Variants in ZNF595 observed in about 807,000 individuals in gnomAD.
ZNF595 encodes zinc finger protein 595.
A neutral mutation model predicts 19.4 loss-of-function variants in ZNF595; 9 were observed. That is an observed-to-expected ratio of 0.46 (90% confidence interval 0.28 to 0.81). The LOEUF (loss-of-function observed/expected upper bound fraction) is 0.81, where lower values mean the gene tolerates loss of function less well. Among genes scored for constraint, ZNF595 ranks in the 30% least tolerant of loss-of-function variants. The pLI, the probability that ZNF595 is intolerant of heterozygous loss-of-function variation, is 0.11. For synonymous variants in ZNF595, 255 were observed against 255.9 expected (o/e 1.00, Z 0.03); for missense variants, 729 against 736.0 (o/e 0.99, Z 0.11).
At chr4:77,535 G>C (rs1553798953) in intron 3 of ZNF595, among the ~76,000 whole-genome samples, 1 of 152,124 alleles carries the variant, frequency 6.6e-6, no homozygotes, top group African/African-American at 2.4e-5. Flanking sequence ...ACCTCTTTCA[G>C]TCATTACAGA....
intron 3 of ZNF595, 66 bp from the exon 4 acceptor site, chr4:85,665 A>C: frequency 6.8e-7 from 1 of 1,472,616 alleles, no homozygotes; most frequent in Non-Finnish European, 9.1e-7. Flanking sequence ...TTTCGATATT[A>C]CATTCGTAAA....
intron 3 of ZNF595, among the ~76,000 whole-genome samples, chr4:77,424 T>C (rs535755513): frequency 6.6e-6 from 1 of 152,330 alleles, no homozygotes; most frequent in South Asian, 2.1e-4. Context: ...TGTAAGTGGT[T>C]ACTGGAAAAT....
chr4:75,047 A>G (rs1222960580), intron 3 of ZNF595, among the ~76,000 whole-genome samples: 1 of 151,084 alleles, frequency 6.6e-6, no homozygotes, highest in East Asian at 2.0e-4. Flanking sequence ...TTTTTCCTAG[A>G]AATCTCTTTT....
Position 87,691 on chromosome 4 carries a change from C to A in ZNF595, c.*240C>A. ...TCACAAGCATTTGTTCTTTGTATTA[C>A]ACACAGTCCAGTTATACACTTTAAT... On this transcript the variant is annotated 3_prime_UTR_variant, in exon 4 of 4. Transcript: ENST00000610261. 3.2e-6 allele frequency: 1 copy of A among 309,848 alleles called. No homozygotes were observed. 19.2% of individuals were successfully genotyped at this position (309,848 alleles called of 1,614,324 possible). A position where few individuals can be genotyped will look rare whatever the true frequency, so the allele number is the denominator to read the frequency against.
chr4:82,111 G>T (rs142770166), intron 3 of ZNF595, among the ~76,000 whole-genome samples: 1 of 151,936 alleles, frequency 6.6e-6, no homozygotes, highest in African/African-American at 2.4e-5. Context: ...TATATGTTTT[G>T]ATATCATGAG....
intron 3 of ZNF595, among the ~76,000 whole-genome samples, chr4:65,400 C>CTTTAA (rs1302475419): frequency 3.3e-5 from 5 of 151,672 alleles, no homozygotes; most frequent in Middle Eastern, 3.4e-3. Context: ...AAAATAATGG[C>CTTTAA]TTTAAGATTT....
At chr4:73,355 G>T (rs782499039) in intron 3 of ZNF595, among the ~76,000 whole-genome samples, 20 of 152,158 alleles carry the variant, frequency 1.3e-4, no homozygotes, top group Non-Finnish European at 2.2e-4. Flanking sequence ...ATGAAGAGGG[G>T]TTGTATGCTA....
chr4:69,704 G>C (rs1477171480), intron 3 of ZNF595, among the ~76,000 whole-genome samples: 1 of 152,102 alleles, frequency 6.6e-6, no homozygotes, highest in African/African-American at 2.4e-5. Flanking sequence ...TCACTTTGTT[G>C]ATTGTTTCAT....
At chr4:81,507 C>T (rs1713907434) in intron 3 of ZNF595, among the ~76,000 whole-genome samples, 1 of 152,112 alleles carries the variant, frequency 6.6e-6, no homozygotes, top group Non-Finnish European at 1.5e-5. Flanking sequence ...ATTTCAAAAA[C>T]CGTCTTACCA....
intron 3 of ZNF595, among the ~76,000 whole-genome samples, chr4:80,908 C>T (rs781816449): frequency 6.6e-6 from 1 of 152,080 alleles, no homozygotes; most frequent in Non-Finnish European, 1.5e-5. Context: ...TGGTTTGCTG[C>T]ACCTATCAAC....
At chr4:69,533 A>G (rs1353590407) in intron 3 of ZNF595, among the ~76,000 whole-genome samples, 1 of 152,098 alleles carries the variant, frequency 6.6e-6, no homozygotes, top group Non-Finnish European at 1.5e-5. Flanking sequence ...TGTTATTTGT[A>G]TGCCCTTTTT....
In ZNF595 at chr4:87,335, A is replaced by C; in HGVS notation, c.1831A>C (p.Lys611Gln). The C allele has an allele frequency of 1.9e-6, 3 of 1,613,504 alleles. No individual in the cohort carries two copies. Among genetic ancestry groups the C allele is most frequent in the Non-Finnish European group, 2.5e-6 (3 of 1,179,778 alleles). The change falls in exon 4 of 4, where the codon AAG (lysine) becomes CAG (glutamine). Residue 611 changes from lysine (K) to glutamine (Q), a missense_variant. Lys to Gln is a moderately conservative substitution (Grantham distance 53). Coordinates refer to ENST00000610261, the MANE Select transcript of ZNF595 (RefSeq NM_182524.4). ...TTGGTCCTCATCCCTTACTAAACAT[A>C]AGATAATTCATACTGGAGAGAAATC... ...FNWSSSLTKH[K>Q]IIHTGEKSYK... is the part of the protein sequence containing the mutation.
chr4:74,460 A>C (rs1024563782), intron 3 of ZNF595, among the ~76,000 whole-genome samples: 1 of 152,214 alleles, frequency 6.6e-6, no homozygotes, highest in Non-Finnish European at 1.5e-5. Flanking sequence ...TACATCTGTT[A>C]ATATATGTTC....
At chr4:79,035 C>T (rs1326937692) in intron 3 of ZNF595, among the ~76,000 whole-genome samples, 5 of 152,204 alleles carry the variant, frequency 3.3e-5, no homozygotes, top group Admixed American at 3.3e-4. Context: ...AGTACATTTA[C>T]TTTATTTTGC....
At chr4:78,598 G>A (rs1713771884) in intron 3 of ZNF595, among the ~76,000 whole-genome samples, 1 of 152,290 alleles carries the variant, frequency 6.6e-6, no homozygotes, top group Non-Finnish European at 1.5e-5. Flanking sequence ...TCGATTATAT[G>A]TTCTGTGAGA....
In ZNF595 at chr4:87,030, A is replaced by G. The variant is rs1162759823; in HGVS notation, c.1526A>G (p.Lys509Arg). ...KNIHTGEKPY[K>R]CKECGKAFNQ... is the part of the protein sequence containing the mutation. The stretch of plus-strand genomic sequence containing the variant: ...ATTCATACTGGAGAGAAACCCTACA[A>G]ATGTAAAGAATGTGGCAAAGCTTTT... The change falls in exon 4 of 4, where the codon AAA becomes AGA. Residue 509 changes from lysine to arginine, a missense_variant. By Grantham distance (26) the Lys-to-Arg change is conservative. Coordinates refer to ENST00000610261, the MANE Select transcript of ZNF595 (RefSeq NM_182524.4). 6.2e-7 allele frequency: 1 copy of G among 1,612,340 alleles called. No individual in the cohort carries two copies. The highest frequency in any genetic ancestry group is 8.5e-7 in the Non-Finnish European group (1 of 1,179,540).
Position 86,922 on chromosome 4 carries a change from T to C in ZNF595, c.1418T>C (p.Ile473Thr), listed in dbSNP as rs1414613831. The change falls in exon 4 of 4, where the codon ATT becomes ACT. Residue 473 changes from isoleucine (I) to threonine (T), a missense_variant. Physicochemically the swap from Ile to Thr is moderately conservative, Grantham distance 89 (BLOSUM62 -1). This residue lies in a region of ZNF595 where 729 missense variants were observed against 675.3 expected (regional missense o/e 1.08). Coordinates refer to ENST00000610261, the MANE Select transcript of ZNF595 (RefSeq NM_182524.4). ...RSTTLNEHKK[I>T]HTGEKPYKCE... Reference sequence around the variant, plus strand: ...ACAACACTGAACGAACATAAGAAAATTCATACTGGCGAGAAACCCTACAAA... The same window carrying C: ...ACAACACTGAACGAACATAAGAAAACTCATACTGGCGAGAAACCCTACAAA... 14 of 1,610,524 alleles carry C rather than the reference T, an allele frequency of 8.7e-6. No individual in the cohort carries two copies. The highest frequency in any genetic ancestry group is 1.2e-5 in the Non-Finnish European group (14 of 1,178,078).
chr4:87,247 A>G lies in ZNF595; in HGVS notation c.1743A>G (p.Lys581=), dbSNP rs375240093. 6.3e-6 allele frequency: 10 copies of G among 1,594,742 alleles called. No homozygotes were observed. The highest frequency in any genetic ancestry group is 2.7e-5 in the African/African-American group (2 of 74,230). The change falls in exon 4 of 4, where the codon AAA becomes AAG. Residue 581 remains lysine (K), a synonymous_variant. Transcript: ENST00000610261. The part of the protein sequence containing the change: ...KAYNLSSTLT[K]HKRIHTGEKP... Reference sequence around the variant, plus strand: ...ATAACTTATCCTCAACCCTTACTAAACATAAGAGAATTCATACTGGAGAGA... The same window carrying G: ...ATAACTTATCCTCAACCCTTACTAAGCATAAGAGAATTCATACTGGAGAGA...
At chr4:82,111 G>A (rs142770166) in intron 3 of ZNF595, among the ~76,000 whole-genome samples, 12 of 152,056 alleles carry the variant, frequency 7.9e-5, no homozygotes, top group African/African-American at 2.6e-4. Flanking sequence ...TATATGTTTT[G>A]ATATCATGAG....
Sources: allele counts gnomAD v4.1 joint callset (sites outside exome capture counted in the v4.1 genomes callset), GRCh38; gene constraint gnomAD v4.1.1; regional missense constraint gnomAD v4.1.1; transcripts MANE v1.5; gene names NCBI Gene and HGNC (gene_info 2026-07-23, HGNC 2026-07-21).